Variants in METAP2 observed in about 807,000 individuals in gnomAD.
METAP2 encodes the protein methionine aminopeptidase 2.
In METAP2, 25 loss-of-function variants were observed where a neutral mutation model predicts 59.4. The ratio of observed to expected loss-of-function variants is 0.42; its 90% CI spans 0.31 to 0.59. The LOEUF is 0.59. Ranked by LOEUF, METAP2 falls within the 20% of genes least tolerant of loss-of-function variation. METAP2 has a pLI of 0.16. For missense variants in METAP2, 366 were observed against 581.2 expected (o/e 0.63, Z 3.81); for synonymous variants, 214 against 194.1 (o/e 1.10, Z -0.85).
chr12:95,475,591 G>A (rs2076112115), intron 1 of METAP2, among the ~76,000 whole-genome samples: 1 of 152,162 alleles, frequency 6.6e-6, no homozygotes, highest in South Asian at 2.1e-4. Context: ...CTTGTGCTTA[G>A]ATATTTGAGC....
chr12:95,484,028 T>C (rs2076178280), intron 3 of METAP2, among the ~76,000 whole-genome samples: 1 of 152,100 alleles, frequency 6.6e-6, no homozygotes, highest in Admixed American at 6.6e-5. Flanking sequence ...CCCGAAAATA[T>C]ATTAAGGAGG....
At position 95,515,267 on chromosome 12, in the gene METAP2, TG is replaced by T. The variant is rs1202312883; in HGVS notation, c.*1364del. On this transcript the variant is annotated 3_prime_UTR_variant, in exon 11 of 11. Coordinates refer to ENST00000323666, the MANE Select transcript of METAP2 (RefSeq NM_006838.4). Reference sequence around the variant, plus strand: ...GCTCTTTCAGCATTAGAGCTATAAATGAATGTTACCTTGTCGGGAAACAATC... The same window carrying T: ...GCTCTTTCAGCATTAGAGCTATAAATAATGTTACCTTGTCGGGAAACAATC... 1.3e-5 allele frequency: 2 copies of T among 152,658 alleles called. No homozygotes were observed. The highest frequency in any genetic ancestry group is 1.5e-5 in the Non-Finnish European group (1 of 68,044). The allele number at this position is 152,658 out of a possible 1,614,324, so 9.5% of individuals were successfully genotyped here.
At chr12:95,510,302 G>A (rs1292935151) in intron 8 of METAP2, among the ~76,000 whole-genome samples, 3 of 152,206 alleles carry the variant, frequency 2.0e-5, no homozygotes, top group Middle Eastern at 3.2e-3. Flanking sequence ...GTTTTGTGCT[G>A]CTACAGCAGA....
chr12:95,491,746 A>G (rs892444224), intron 4 of METAP2, among the ~76,000 whole-genome samples: 2 of 151,842 alleles, frequency 1.3e-5, no homozygotes, highest in African/African-American at 4.8e-5. Context: ...TCCTGAACTC[A>G]TGCAGTCTGT....
At position 95,475,119 on chromosome 12, in the gene METAP2, A is replaced by G. The variant is rs12307195; in HGVS notation, c.151+789A>G. 3.3e-3 allele frequency among the ~76,000 whole-genome samples: 507 copies of G among 152,256 alleles called. 3 individuals carry two copies. Among genetic ancestry groups the G allele is most frequent in the African/African-American group, 0.012 (482 of 41,536 alleles). The stretch of plus-strand genomic sequence containing the variant: ...GATATTATGAACTAGGAACTTACAT[A>G]TTTTGAGAAGTCTGTGTTTTTGCTG... On this transcript the variant is annotated intron_variant, in intron 1 of 10. Transcript: ENST00000323666.
intron 4 of METAP2, among the ~76,000 whole-genome samples, chr12:95,491,847 C>T (rs917167777): frequency 3.9e-5 from 6 of 152,104 alleles, no homozygotes; most frequent in African/African-American, 1.4e-4. Context: ...CATTCTGTCA[C>T]CCAGGCTGGA....
At chr12:95,498,534 C>A (rs532703622) in intron 7 of METAP2, among the ~76,000 whole-genome samples, 1 of 152,088 alleles carries the variant, frequency 6.6e-6, no homozygotes, top group Admixed American at 6.6e-5. Flanking sequence ...GCTTTTACTC[C>A]GTTTCCTTTT....
intron 8 of METAP2, among the ~76,000 whole-genome samples, chr12:95,510,798 G>A (rs2076396493): frequency 6.6e-6 from 1 of 152,062 alleles, no homozygotes; most frequent in Non-Finnish European, 1.5e-5. Context: ...AAGTATGAAA[G>A]GATTTTCATT....
intron 8 of METAP2, among the ~76,000 whole-genome samples, chr12:95,508,480 T>C (rs891993016): frequency 4.6e-5 from 7 of 152,226 alleles, no homozygotes; most frequent in African/African-American, 1.4e-4. Context: ...CTAGGTTCAC[T>C]GCTACAAATG....
At chr12:95,513,090 TAC>T (rs60788079) in intron 10 of METAP2, among the ~76,000 whole-genome samples, 174 bp downstream of exon 10, 15,834 of 135,962 alleles carry the variant, frequency 0.12, 883 homozygotes, top group Middle Eastern at 0.17. Context: ...AGATAAAAAT[TAC>T]ACACACACAC....
At chr12:95,513,246 G>A (rs969997744) in intron 10 of METAP2, among the ~76,000 whole-genome samples, 11 of 152,016 alleles carry the variant, frequency 7.2e-5, no homozygotes, top group Non-Finnish European at 1.3e-4. Context: ...CATTTACAGC[G>A]TCTTTCAATT....
At chr12:95,488,401 C>T (rs1473020391) in intron 4 of METAP2, among the ~76,000 whole-genome samples, 2 of 147,948 alleles carry the variant, frequency 1.4e-5, no homozygotes, top group Admixed American at 6.8e-5. Context: ...CCCAGCTACT[C>T]GGGGGGCTGA....
intron 4 of METAP2, among the ~76,000 whole-genome samples, chr12:95,493,844 G>T (rs2076256984): frequency 6.6e-6 from 1 of 152,144 alleles, no homozygotes; most frequent in Admixed American, 6.5e-5. Context: ...TCACATGAGG[G>T]TTTTTTTCCC....
Position 95,515,072 on chromosome 12 carries a change from A to G in METAP2, c.*1168A>G, listed in dbSNP as rs202184557. The G allele has an allele frequency of 1.3e-5, 2 of 152,658 alleles. No homozygotes were observed. Among genetic ancestry groups the G allele is most frequent in the African/African-American group, 4.8e-5 (2 of 41,458 alleles). 9.5% of individuals were successfully genotyped at this position (152,658 alleles called of 1,614,324 possible). On this transcript the variant is annotated 3_prime_UTR_variant, in exon 11 of 11. Transcript: ENST00000323666. ...AATTTTATGGGAATGTTCCATCATA[A>G]TTTCTAAATCATTTATATATCAAGG...
intron 10 of METAP2, 149 bp from the exon 11 acceptor site, chr12:95,513,503 C>A (rs2076420574): frequency 6.1e-6 from 5 of 820,822 alleles, no homozygotes; most frequent in African/African-American, 5.2e-5. Flanking sequence ...GGCTATTATA[C>A]ATTCTGGCTT....
At chr12:95,486,126 C>T in intron 4 of METAP2, 145 bp downstream of exon 4, 1 of 576,442 alleles carries the variant, frequency 1.7e-6, no homozygotes, top group South Asian at 2.4e-5. Context: ...TAGAAGCCCT[C>T]TTATCCAAAA....
intron 2 of METAP2, among the ~76,000 whole-genome samples, chr12:95,480,563 G>C (rs1048880321): frequency 3.3e-5 from 5 of 152,114 alleles, no homozygotes; most frequent in Non-Finnish European, 5.9e-5. Flanking sequence ...TTTGATAATG[G>C]GTATGTAGTG....
intron 8 of METAP2, among the ~76,000 whole-genome samples, chr12:95,505,485 C>T (rs543357025): frequency 8.6e-5 from 13 of 151,754 alleles, no homozygotes; most frequent in Admixed American, 2.0e-4. Flanking sequence ...CCACCACGCC[C>T]GGCCAAATTT....
intron 3 of METAP2, 100 bp downstream of exon 3, chr12:95,483,380 G>C: frequency 1.1e-6 from 1 of 881,908 alleles, no homozygotes. Context: ...GGAGGCTGAG[G>C]CAGGAGAATT....
Sources: allele counts gnomAD v4.1 joint callset (sites outside exome capture counted in the v4.1 genomes callset), GRCh38; gene constraint gnomAD v4.1.1; transcripts MANE v1.5; gene names NCBI Gene and HGNC (gene_info 2026-07-23, HGNC 2026-07-21).